EXOC6B: variants seen among roughly 807,000 people sequenced by gnomAD.
EXOC6B encodes SEC15 homolog B.
Under a neutral mutation model 113.5 loss-of-function variants are expected in EXOC6B, and 54 were observed. The ratio of observed to expected loss-of-function variants is 0.48; its 90% CI spans 0.38 to 0.60. The LOEUF is 0.60. EXOC6B is among the 20% of genes least tolerant of loss of function. The pLI is 0.00. For missense variants in EXOC6B, 797 were observed against 977.5 expected, an observed-to-expected ratio of 0.82 and a Z score of 2.46; for synonymous variants, 357 against 339.0, an observed-to-expected ratio of 1.05 and a Z score of -0.58.
At chr2:72,622,386 T>C (rs1671800247) in intron 6 of EXOC6B, among the ~76,000 whole-genome samples, 1 of 152,160 alleles carries the variant, frequency 6.6e-6, no homozygotes, top group Admixed American at 6.6e-5. Flanking sequence ...AAAATGTTTC[T>C]ATATGAAGTA....
At chr2:72,500,805 C>T (rs1355054859) in intron 11 of EXOC6B, among the ~76,000 whole-genome samples, 2 of 152,054 alleles carry the variant, frequency 1.3e-5, no homozygotes, top group Non-Finnish European at 2.9e-5. Flanking sequence ...ATTTTTGTTA[C>T]TTGCTCTCTC....
intron 20 of EXOC6B, among the ~76,000 whole-genome samples, chr2:72,273,348 T>C (rs1684614393): frequency 6.6e-6 from 1 of 152,174 alleles, no homozygotes; most frequent in Non-Finnish European, 1.5e-5. Context: ...AATTGAACAG[T>C]TGTTGTGTGC....
At chr2:72,244,328 AG>A (rs1682518922) in intron 20 of EXOC6B, among the ~76,000 whole-genome samples, 2 of 152,190 alleles carry the variant, frequency 1.3e-5, no homozygotes, top group Admixed American at 1.3e-4. Flanking sequence ...AGTCATGTCA[AG>A]GGGAATTAAA....
At chr2:72,195,663 G>C (rs886065079) in intron 20 of EXOC6B, among the ~76,000 whole-genome samples, 3 of 152,156 alleles carry the variant, frequency 2.0e-5, no homozygotes, top group African/African-American at 7.2e-5. Context: ...AGACCACAGA[G>C]TGAAGACAAT....
intron 20 of EXOC6B, among the ~76,000 whole-genome samples, chr2:72,214,858 T>C (rs935491260): frequency 3.3e-5 from 5 of 152,166 alleles, no homozygotes; most frequent in African/African-American, 1.2e-4. Flanking sequence ...AAATTTTGCT[T>C]TGGGGTTGTG....
At chr2:72,468,563 A>C (rs928142153) in intron 17 of EXOC6B, among the ~76,000 whole-genome samples, 1 of 152,172 alleles carries the variant, frequency 6.6e-6, no homozygotes, top group African/African-American at 2.4e-5. Flanking sequence ...TAGATTTTGA[A>C]GTCAGGTAGA....
intron 6 of EXOC6B, among the ~76,000 whole-genome samples, chr2:72,680,299 A>T (rs1676609186): frequency 6.6e-6 from 1 of 152,222 alleles, no homozygotes; most frequent in African/African-American, 2.4e-5. Context: ...GTAACAATTG[A>T]CAAGTACATT....
intron 18 of EXOC6B, among the ~76,000 whole-genome samples, chr2:72,430,484 TA>T (rs951572392): frequency 3.3e-5 from 5 of 151,626 alleles, no homozygotes; most frequent in African/African-American, 1.2e-4. Context: ...AAAATACAAA[TA>T]AAAAAACAAA....
intron 19 of EXOC6B, among the ~76,000 whole-genome samples, chr2:72,352,342 G>T (rs1466539169): frequency 6.6e-6 from 1 of 152,044 alleles, no homozygotes; most frequent in Admixed American, 6.6e-5. Flanking sequence ...TAAAGGCAAG[G>T]CTTTAAAAAG....
At chr2:72,619,638 AGAGAGTCAGCACCAAAGTC>A (rs1185641992) in intron 6 of EXOC6B, among the ~76,000 whole-genome samples, 1 of 152,088 alleles carries the variant, frequency 6.6e-6, no homozygotes, top group Admixed American at 6.5e-5. Flanking sequence ...AAGAATAGTG[AGAGAGTCAGCACCAAAGTC>A]GAGATTGAAG....
At chr2:72,276,857 C>G (rs533840968) in intron 20 of EXOC6B, among the ~76,000 whole-genome samples, 124 of 152,268 alleles carry the variant, frequency 8.1e-4, no homozygotes, top group African/African-American at 2.8e-3. Context: ...GACCTTACCT[C>G]AACTTGCTTT....
At chr2:72,625,659 C>T (rs1351685605) in intron 6 of EXOC6B, among the ~76,000 whole-genome samples, 1 of 152,182 alleles carries the variant, frequency 6.6e-6, no homozygotes, top group Non-Finnish European at 1.5e-5. Context: ...ATACCAATTA[C>T]CTCCAAATTC....
chr2:72,714,996 G>T (rs1222326509), intron 6 of EXOC6B, among the ~76,000 whole-genome samples: 1 of 152,194 alleles, frequency 6.6e-6, no homozygotes, highest in African/African-American at 2.4e-5. Flanking sequence ...GCCAGGCACA[G>T]TGGCTCATGC....
intron 20 of EXOC6B, among the ~76,000 whole-genome samples, chr2:72,192,737 G>GTT (rs1678925758): frequency 6.6e-6 from 1 of 152,170 alleles, no homozygotes; most frequent in African/African-American, 2.4e-5. Context: ...TTACATGCAT[G>GTT]TTTTCGCTTG....
At chr2:72,477,273 C>T (rs952945459) in intron 17 of EXOC6B, among the ~76,000 whole-genome samples, 3 of 152,184 alleles carry the variant, frequency 2.0e-5, no homozygotes, top group Non-Finnish European at 4.4e-5. Context: ...TTTCTGCTTT[C>T]CAAATGCATT....
At chr2:72,253,410 G>C (rs1157440547) in intron 20 of EXOC6B, among the ~76,000 whole-genome samples, 1 of 152,106 alleles carries the variant, frequency 6.6e-6, no homozygotes, top group African/African-American at 2.4e-5. Flanking sequence ...ATTTTTCCGA[G>C]CACTATTCAC....
chr2:72,798,025 T>C (rs1685069312), intron 1 of EXOC6B, among the ~76,000 whole-genome samples: 1 of 152,150 alleles, frequency 6.6e-6, no homozygotes, highest in African/African-American at 2.4e-5. Context: ...AACATGATTC[T>C]TCAAGTTAAG....
intron 6 of EXOC6B, among the ~76,000 whole-genome samples, chr2:72,608,461 C>A (rs528295148): frequency 6.6e-6 from 1 of 152,226 alleles, no homozygotes; most frequent in South Asian, 2.1e-4. Flanking sequence ...TAATGATCAT[C>A]AGTAGCCTAA....
At chr2:72,768,450 C>A (rs545318867) in intron 1 of EXOC6B, among the ~76,000 whole-genome samples, 2 of 151,958 alleles carry the variant, frequency 1.3e-5, no homozygotes, top group South Asian at 4.2e-4. Flanking sequence ...CGCTACCACC[C>A]CCGGCTAATT....
Sources: allele counts gnomAD v4.1 joint callset (sites outside exome capture counted in the v4.1 genomes callset), GRCh38; gene constraint gnomAD v4.1.1; transcripts MANE v1.5; gene names NCBI Gene and HGNC (gene_info 2026-07-23, HGNC 2026-07-21).